Variants in SH3D21 observed in about 807,000 individuals in gnomAD.
SH3D21 encodes the protein SH3 domain-containing protein 21.
SH3D21 carries 83 observed loss-of-function variants against 82.1 expected under a neutral mutation model. That is an observed-to-expected ratio of 1.01 (90% CI 0.85 to 1.21). SH3D21 has a LOEUF of 1.21. Ranked by LOEUF, SH3D21 falls within the 50% of genes most tolerant of loss-of-function variation. The pLI is 0.00. For missense variants in SH3D21, 980 were observed against 962.1 expected (o/e 1.02, Z -0.25); for synonymous variants, 383 against 387.8 (o/e 0.99, Z 0.15).
chr1:36,315,562 T>C (rs1395135235), intron 10 of SH3D21, among the ~76,000 whole-genome samples: 2 of 152,122 alleles, frequency 1.3e-5, no homozygotes, highest in Non-Finnish European at 2.9e-5. Context: ...TTGGCCAGGC[T>C]GGTCTCGAAC....
intron 10 of SH3D21, 70 bp from the exon 11 acceptor site, chr1:36,319,001 C>G (rs187974505): frequency 2.0e-5 from 18 of 894,720 alleles, no homozygotes; most frequent in Admixed American, 4.0e-5. Flanking sequence ...TGCCCATAGT[C>G]CCCTGCACAC....
Position 36,319,137 on chromosome 1 carries a change from C to T in SH3D21, c.836C>T (p.Thr279Ile). ...CTCCCCACAGTCAAGAAGCTAGCAACAGCCACCACTGGGCCCAGCAAAGCC... is the reference window on the plus strand; with the variant it reads ...CTCCCCACAGTCAAGAAGCTAGCAATAGCCACCACTGGGCCCAGCAAAGCC... ...TSLPTVKKLA[T>I]ATTGPSKAKT... is the part of the protein sequence containing the mutation. Residue 279 changes from threonine (T) to isoleucine (I), a missense_variant, in exon 11 of 16, where the codon ACA (threonine) becomes ATA (isoleucine). Thr to Ile is a moderately conservative substitution (Grantham distance 89). Transcript: ENST00000453908. The T allele has an allele frequency of 6.4e-7, 1 of 1,551,624 alleles. No individual in the cohort carries two copies. The highest frequency in any genetic ancestry group is 1.4e-5 in the African/African-American group (1 of 73,106).
chr1:36,321,987 C>G, downstream of SH3D21: 1 of 1,192,156 alleles, frequency 8.4e-7, no homozygotes. This position sits in a 1 kb window ranked among gnomAD's most constrained non-coding sequence, Gnocchi z 6.1. Context: ...TGGCAGGAGC[C>G]TGGGGGTCGC....
Position 36,306,784 on chromosome 1 carries a change from G to T in SH3D21, c.162+29G>T. The T allele has an allele frequency of 7.7e-7, 1 of 1,291,434 alleles. No individual in the cohort carries two copies. Among genetic ancestry groups the T allele is most frequent in the Non-Finnish European group, 1.0e-6 (1 of 987,652 alleles). The allele number at this position is 1,291,434 out of a possible 1,614,324, so 80.0% of individuals were successfully genotyped here. A position where few individuals can be genotyped will look rare whatever the true frequency, so the allele number is the denominator to read the frequency against. ...AGGCCGAGCCAGGGGCGGGCTGTGG[G>T]GTCTCAGCGCGCGCCCCCCGGGAGC... is the stretch of plus-strand genomic sequence containing the variant. On this transcript the variant is annotated intron_variant, in intron 2 of 15. Coordinates refer to ENST00000453908, the MANE Select transcript of SH3D21 (RefSeq NM_001162530.2). This position sits in a 1 kb window ranked among gnomAD's most constrained non-coding sequence, Gnocchi z 4.5.
intron 10 of SH3D21, among the ~76,000 whole-genome samples, chr1:36,311,199 G>A (rs1443679986): frequency 1.3e-5 from 2 of 151,808 alleles, no homozygotes; most frequent in East Asian, 1.9e-4. Flanking sequence ...GTGAGCCACC[G>A]TGCCTGGCTG....
chr1:36,321,252 G>C lies in SH3D21; in HGVS notation c.*125G>C, dbSNP rs1228076496. 6 of 1,473,864 alleles carry C rather than the reference G, an allele frequency of 4.1e-6. No homozygotes were observed. The highest frequency in any genetic ancestry group is 5.4e-6 in the Non-Finnish European group (6 of 1,114,728). 91.3% of individuals were successfully genotyped at this position (1,473,864 alleles called of 1,614,324 possible). On this transcript the variant is annotated 3_prime_UTR_variant, in exon 16 of 16. Coordinates refer to ENST00000453908, the MANE Select transcript of SH3D21 (RefSeq NM_001162530.2). The surrounding 1 kb of genome is among the most constrained non-coding windows in gnomAD (Gnocchi z 6.1). ...CGGCGCCACGCCGGTCTGGTCGCTGGGGGCGGGGCCTGCGCGGGGGCAGGG... is the reference window on the plus strand; with the variant it reads ...CGGCGCCACGCCGGTCTGGTCGCTGCGGGCGGGGCCTGCGCGGGGGCAGGG...
Position 36,317,457 on chromosome 1 carries a change from CTGAATGTCACTGTGTGTAACTGCCT to C in SH3D21, c.770-1612_770-1588del, listed in dbSNP as rs576647890. 2.3e-4 allele frequency among the ~76,000 whole-genome samples: 35 copies of C among 152,330 alleles called. No homozygotes were observed. The South Asian group carries it at 6.2e-3, about 27-fold the overall frequency. On this transcript the variant is annotated intron_variant, in intron 10 of 15. Transcript: ENST00000453908. ...CCAGAGTGGCTGTTTTTCTATGGAT[CTGAATGTCACTGTGTGTAACTGCCT>C]TCAAGTGATGCTGATGTCACCTTAG...
Position 36,306,647 on chromosome 1 carries a change from T to G in SH3D21, c.54T>G (p.Ser18Arg), listed in dbSNP as rs1376895263. ...GYRAQKEDEL[S>R]LAPGDVVRQV... Reference sequence around the variant, plus strand: ...GCGCGCAGAAGGAGGACGAGCTGAGTCTGGCGCCCGGGGACGTGGTCCGGC... The same window carrying G: ...GCGCGCAGAAGGAGGACGAGCTGAGGCTGGCGCCCGGGGACGTGGTCCGGC... Residue 18 changes from serine to arginine, a missense_variant, in exon 2 of 16, where the codon AGT becomes AGG. Physicochemically the swap from Ser to Arg is moderately radical, Grantham distance 110. Coordinates refer to ENST00000453908, the MANE Select transcript of SH3D21 (RefSeq NM_001162530.2). The surrounding 1 kb of genome is among the most constrained non-coding windows in gnomAD (Gnocchi z 4.5). 1 of 1,301,324 alleles carries G rather than the reference T, an allele frequency of 7.7e-7. No homozygotes were observed. The highest frequency in any genetic ancestry group is 1.0e-6 in the Non-Finnish European group (1 of 988,512). 80.6% of individuals were successfully genotyped at this position (1,301,324 alleles called of 1,614,324 possible).
rs751507435 is a variant in SH3D21, at chr1:36,320,995, G to T, written c.2199+17G>T. On this transcript the variant is annotated intron_variant, in intron 15 of 15. Coordinates refer to ENST00000453908, the MANE Select transcript of SH3D21 (RefSeq NM_001162530.2). ...CGGCTGGAGGTGAGGCGCGGGTCCC[G>T]GCGGGAGGGGGCTGACGGCGAGTGG... The T allele has an allele frequency of 1.9e-6, 3 of 1,570,328 alleles. No individual in the cohort carries two copies. The Admixed American group carries it at 5.7e-5, about 30-fold the overall frequency.
downstream of SH3D21, chr1:36,323,358 T>G: frequency 3.4e-6 from 1 of 295,474 alleles, no homozygotes; most frequent in Non-Finnish European, 6.3e-6. Flanking sequence ...ATAGGGACGC[T>G]GAGCCTCCAC....
chr1:36,306,437 GC>G lies in SH3D21; in HGVS notation c.4+14del. On this transcript the variant is annotated intron_variant, in intron 1 of 15. Coordinates refer to ENST00000453908, the MANE Select transcript of SH3D21 (RefSeq NM_001162530.2). This position sits in a 1 kb window ranked among gnomAD's most constrained non-coding sequence, Gnocchi z 4.5. ...CCGGAAACCATGGGTAAGTGCGGAGGCTTTGAGGTGGCCTCTCTCTGCAACC... is the reference window on the plus strand; with the variant it reads ...CCGGAAACCATGGGTAAGTGCGGAGGTTTGAGGTGGCCTCTCTCTGCAACC... The G allele has an allele frequency of 7.7e-7, 1 of 1,305,426 alleles. No homozygotes were observed. Among genetic ancestry groups the G allele is most frequent in the Non-Finnish European group, 1.0e-6 (1 of 988,966 alleles). 80.9% of individuals were successfully genotyped at this position (1,305,426 alleles called of 1,614,324 possible).
Position 36,321,292 on chromosome 1 carries a change from T to A in SH3D21, c.*165T>A. The stretch of plus-strand genomic sequence containing the variant: ...CGGGGGCAGGGCCTGGGCCTCCGCA[T>A]TCCTGACGGTCCCTCCCAGGCACAT... On this transcript the variant is annotated 3_prime_UTR_variant, in exon 16 of 16. Coordinates refer to ENST00000453908, the MANE Select transcript of SH3D21 (RefSeq NM_001162530.2). This position sits in a 1 kb window ranked among gnomAD's most constrained non-coding sequence, Gnocchi z 6.1. 1 of 1,442,550 alleles carries A rather than the reference T, an allele frequency of 6.9e-7. No homozygotes were observed. Among genetic ancestry groups the A allele is most frequent in the Non-Finnish European group, 9.1e-7 (1 of 1,103,660 alleles). The allele number at this position is 1,442,550 out of a possible 1,614,324, so 89.4% of individuals were successfully genotyped here.
In SH3D21 at chr1:36,307,553, C is replaced by T; in HGVS notation, c.382C>T (p.Gln128Ter). 1 of 1,551,702 alleles carries T rather than the reference C, an allele frequency of 6.4e-7. No individual in the cohort carries two copies. The highest frequency in any genetic ancestry group is 8.7e-7 in the Non-Finnish European group (1 of 1,146,972). The change falls in exon 5 of 16, where the codon CAG becomes TAG. Residue 128 changes from glutamine (Q) to a stop codon, truncating the protein, a stop_gained. Transcript: ENST00000453908. LOFTEE classifies it high-confidence loss of function. The surrounding 1 kb of genome is among the most constrained non-coding windows in gnomAD (Gnocchi z 5.4). ...CTGGTGGCTGGGGAAGAAGAACGGG[C>T]AGCTGGGAGCCTTCCCATCCAACTT... The part of the protein sequence containing the change: ...DGWWLGKKNG[Q>*]LGAFPSNFVE...
Position 36,312,317 on chromosome 1 carries a change from A to C in SH3D21, c.769+2727A>C, listed in dbSNP as rs578206014. On this transcript the variant is annotated intron_variant, in intron 10 of 15. Coordinates refer to ENST00000453908, the MANE Select transcript of SH3D21 (RefSeq NM_001162530.2). ...GGATTACAGGCGTGAGCCACCGCACACGGCCATAAGACCATAATTTTCATA... is the reference window on the plus strand; with the variant it reads ...GGATTACAGGCGTGAGCCACCGCACCCGGCCATAAGACCATAATTTTCATA... Among the ~76,000 whole-genome samples the C allele has an allele frequency of 2.3e-3, 350 of 152,262 alleles. 2 individuals carry two copies. The highest frequency in any genetic ancestry group is 1.5e-3 in the Non-Finnish European group (100 of 68,010).
At chr1:36,327,814 G>A, downstream of SH3D21, 1 of 1,283,204 alleles carries the variant, frequency 7.8e-7, no homozygotes, top group Non-Finnish European at 1.0e-6. Context: ...CCTGGGGAAG[G>A]TCCCTGAAAC....
chr1:36,321,680 C>T (rs1176927448), downstream of SH3D21: 2 of 1,016,704 alleles, frequency 2.0e-6, no homozygotes, highest in African/African-American at 1.7e-5. This position sits in a 1 kb window ranked among gnomAD's most constrained non-coding sequence, Gnocchi z 6.1. Context: ...AGCACCTTAG[C>T]CTCGAGGTCA....
At chr1:36,314,000 A>T in intron 10 of SH3D21, among the ~76,000 whole-genome samples, 2 of 3,040 alleles carry the variant, frequency 6.6e-4, no homozygotes, top group Admixed American at 0.011. Context: ...TTTGAGACGG[A>T]GTCTCGCTCT....
chr1:36,327,823 AC>A, downstream of SH3D21: 1 of 1,286,122 alleles, frequency 7.8e-7, no homozygotes, highest in Non-Finnish European at 1.0e-6. Context: ...GGTCCCTGAA[AC>A]CTTTGGCCAA....
At chr1:36,315,293 G>A (rs113247657) in intron 10 of SH3D21, among the ~76,000 whole-genome samples, 4 of 151,796 alleles carry the variant, frequency 2.6e-5, no homozygotes, top group African/African-American at 7.2e-5. Flanking sequence ...AAAATCCTTC[G>A]CAAATTATCT....
Sources: gnomAD v4.1 joint callset for allele counts (sites outside exome capture counted in the v4.1 genomes callset) on GRCh38, gnomAD v4.1.1 for gene constraint, Gnocchi (gnomAD v3.1) non-coding constraint, MANE v1.5 for transcripts, NCBI Gene and HGNC (gene_info 2026-07-23, HGNC 2026-07-21) for gene names.